Variants in RAPGEF4 observed in about 807,000 individuals in gnomAD.
RAPGEF4 encodes the protein RAP guanine-nucleotide-exchange factor (GEF) 4.
A neutral mutation model predicts 147.9 loss-of-function variants in RAPGEF4; 66 were observed. The observed-to-expected ratio is 0.45, with a 90% confidence interval of 0.37 to 0.55. RAPGEF4 has a LOEUF of 0.55. RAPGEF4 is among the 20% of genes least tolerant of loss of function. The pLI is 0.00. For missense variants in RAPGEF4, 1,071 were observed against 1,257.3 expected (o/e 0.85, Z 2.24); for synonymous variants, 419 against 442.7 (o/e 0.95, Z 0.67).
At chr2:172,961,259 C>T (rs777703201) in intron 8 of RAPGEF4, 31 bp downstream of exon 8, 37 of 1,467,994 alleles carry the variant, frequency 2.5e-5, no homozygotes, top group Admixed American at 5.2e-5. Flanking sequence ...GGCTGTGCCC[C>T]GCTCATATTC....
At chr2:172,915,408 A>T (rs1390281433) in intron 4 of RAPGEF4, among the ~76,000 whole-genome samples, 1 of 152,164 alleles carries the variant, frequency 6.6e-6, no homozygotes. Context: ...GGATTAAATG[A>T]TATGATATCT....
intron 22 of RAPGEF4, among the ~76,000 whole-genome samples, 179 bp from the exon 23 acceptor site, chr2:173,020,439 C>T (rs1372456319): frequency 2.0e-5 from 3 of 152,152 alleles, no homozygotes; most frequent in Non-Finnish European, 2.9e-5. Flanking sequence ...TCCTGAGTGG[C>T]GCAGGGCTGC....
chr2:172,831,228 G>A lies in RAPGEF4; in HGVS notation c.444+16803G>A, dbSNP rs981691740. ...GCACCGTCTGATGTTTTAAATCTGA[G>A]AATATTTTCACAAAATGTGACTGTT... is the stretch of plus-strand genomic sequence containing the variant. On this transcript the variant is annotated intron_variant, in intron 4 of 30. Coordinates refer to ENST00000397081, the MANE Select transcript of RAPGEF4 (RefSeq NM_007023.4). 2.3e-5 allele frequency among the ~76,000 whole-genome samples: 3 copies of A among 131,978 alleles called. 1 individual carries two copies. The South Asian group carries it at 7.8e-4, about 34-fold the overall frequency. The allele number at this position is 131,978 out of a possible 152,430, so 86.6% of individuals were successfully genotyped here.
At chr2:172,807,763 C>G (rs1008243819) in intron 3 of RAPGEF4, among the ~76,000 whole-genome samples, 5 of 152,156 alleles carry the variant, frequency 3.3e-5, no homozygotes, top group African/African-American at 1.2e-4. Flanking sequence ...AAGACCTCAT[C>G]TCTAAGAAAG....
At chr2:172,887,650 A>C (rs1697395619) in intron 4 of RAPGEF4, among the ~76,000 whole-genome samples, 2 of 152,172 alleles carry the variant, frequency 1.3e-5, no homozygotes, top group African/African-American at 4.8e-5. Context: ...CCCAAGATTT[A>C]CTCACTGGTC....
intron 26 of RAPGEF4, among the ~76,000 whole-genome samples, chr2:173,033,204 A>C (rs933462256): frequency 3.9e-5 from 6 of 152,232 alleles, no homozygotes; most frequent in African/African-American, 1.4e-4. Flanking sequence ...TGTGGGAGAA[A>C]TAAATGCTCA....
intron 4 of RAPGEF4, among the ~76,000 whole-genome samples, chr2:172,864,524 C>T (rs939399577): frequency 1.3e-5 from 2 of 152,188 alleles, no homozygotes; most frequent in African/African-American, 4.8e-5. Flanking sequence ...GTCTTCACTT[C>T]CTTCCCTGTT....
At position 172,988,682 on chromosome 2, in the gene RAPGEF4, A is replaced by T; in HGVS notation, c.1228-11A>T. ...GGGATCTTCTTCATCTGTGTGCTCT[A>T]CTCTATCCAGGGTGTGGTCTGCACC... is the stretch of plus-strand genomic sequence containing the variant. On this transcript the variant is annotated splice_polypyrimidine_tract_variant and intron_variant, in intron 13 of 30. Coordinates refer to ENST00000397081, the MANE Select transcript of RAPGEF4 (RefSeq NM_007023.4). 6.2e-7 allele frequency: 1 copy of T among 1,609,394 alleles called. No individual in the cohort carries two copies. The highest frequency in any genetic ancestry group is 1.7e-5 in the Admixed American group (1 of 59,968).
rs142423362 is a variant in RAPGEF4, at chr2:172,948,020, A to C, written c.538-12740A>C. ...GTAATCTGTTTTTATGCTTTATATCAGTGAAATCATCTGGTGTATACCTTT... is the reference window on the plus strand; with the variant it reads ...GTAATCTGTTTTTATGCTTTATATCCGTGAAATCATCTGGTGTATACCTTT... On this transcript the variant is annotated intron_variant, in intron 6 of 30. Transcript: ENST00000397081. Among the ~76,000 whole-genome samples, 12 of 152,312 alleles carry C rather than the reference A, an allele frequency of 7.9e-5. No homozygotes were observed. The East Asian group carries it at 2.3e-3, about 29-fold the overall frequency.
intron 4 of RAPGEF4, among the ~76,000 whole-genome samples, chr2:172,862,785 T>C (rs1694179619): frequency 1.3e-5 from 2 of 152,200 alleles, no homozygotes; most frequent in Non-Finnish European, 2.9e-5. Context: ...GGAAGTTTCC[T>C]CCTTTGTGAA....
chr2:172,840,548 G>A (rs1040349051), intron 4 of RAPGEF4, among the ~76,000 whole-genome samples: 2 of 152,118 alleles, frequency 1.3e-5, no homozygotes, highest in African/African-American at 4.8e-5. Flanking sequence ...GCAGTGTTGG[G>A]GCGAGCTACT....
At chr2:172,787,177 G>A (rs1008107753) in intron 1 of RAPGEF4, among the ~76,000 whole-genome samples, 4 of 151,952 alleles carry the variant, frequency 2.6e-5, no homozygotes, top group Non-Finnish European at 5.9e-5. Context: ...ATGCCCTTGC[G>A]CTGCAGCCTG....
chr2:173,020,785 TCA>T, intron 23 of RAPGEF4, 70 bp downstream of exon 23: 1 of 1,265,406 alleles, frequency 7.9e-7, no homozygotes, highest in Non-Finnish European at 1.1e-6. Flanking sequence ...AATTTTGCAG[TCA>T]CACTGAACCC....
Position 173,051,621 on chromosome 2 carries a change from C to T in RAPGEF4, c.2909-19C>T. 1 of 1,610,890 alleles carries T rather than the reference C, an allele frequency of 6.2e-7. No individual in the cohort carries two copies. Among genetic ancestry groups the T allele is most frequent in the Non-Finnish European group, 8.5e-7 (1 of 1,177,754 alleles). On this transcript the variant is annotated intron_variant, in intron 30 of 30. Transcript: ENST00000397081. ...CATATATTACACAATGCCAATTCTG[C>T]CCTTTCCTCTTTCAACAGATCCTGA...
intron 1 of RAPGEF4, among the ~76,000 whole-genome samples, chr2:172,767,261 C>A (rs1696936391): frequency 1.3e-5 from 2 of 152,022 alleles, no homozygotes; most frequent in Admixed American, 1.3e-4. Context: ...TCACCACAAC[C>A]TCTGCCTCCT....
rs1694439982 is a variant in RAPGEF4, at chr2:173,005,971, TTAC to T, written c.1658+4629_1658+4631del. Among the ~76,000 whole-genome samples, 3 of 1,896 alleles carry T rather than the reference TTAC, an allele frequency of 1.6e-3. No individual in the cohort carries two copies. The Admixed American group carries it at 0.041, about 26-fold the overall frequency. The allele number at this position is 1,896 out of a possible 152,430, so 1.2% of individuals were successfully genotyped here. On this transcript the variant is annotated intron_variant, in intron 17 of 30. Coordinates refer to ENST00000397081, the MANE Select transcript of RAPGEF4 (RefSeq NM_007023.4). Reference sequence around the variant, plus strand: ...TTGATTTGCCAACATTCATGCCTTATTACTCGGTATTCTAGCCACTCGTAGTAA... The same window carrying T: ...TTGATTTGCCAACATTCATGCCTTATTCGGTATTCTAGCCACTCGTAGTAA...
At chr2:172,836,521 T>G (rs1172487675) in intron 4 of RAPGEF4, among the ~76,000 whole-genome samples, 1 of 152,226 alleles carries the variant, frequency 6.6e-6, no homozygotes, top group Non-Finnish European at 1.5e-5. Context: ...ATAATAACAC[T>G]GCTTAGGTAA....
intron 26 of RAPGEF4, among the ~76,000 whole-genome samples, chr2:173,030,616 T>C (rs1428638808): frequency 6.6e-6 from 1 of 152,222 alleles, no homozygotes; most frequent in Non-Finnish European, 1.5e-5. Context: ...GCTTGTTGCT[T>C]TTGCCATAAA....
At position 172,857,174 on chromosome 2, in the gene RAPGEF4, G is replaced by A. The variant is rs1039571616; in HGVS notation, c.444+42749G>A. 4.5e-4 allele frequency among the ~76,000 whole-genome samples: 68 copies of A among 150,150 alleles called. 1 individual carries two copies. The highest frequency in any genetic ancestry group is 9.9e-4 in the East Asian group (5 of 5,054). On this transcript the variant is annotated intron_variant, in intron 4 of 30. Coordinates refer to ENST00000397081, the MANE Select transcript of RAPGEF4 (RefSeq NM_007023.4). ...ATTTAAAATACGCGCGTGTGCGCGC[G>A]CACACACACACACACACACACACAC...
Sources: gnomAD v4.1 joint callset for allele counts (sites outside exome capture counted in the v4.1 genomes callset) on GRCh38, gnomAD v4.1.1 for gene constraint, MANE v1.5 for transcripts, NCBI Gene and HGNC (gene_info 2026-07-23, HGNC 2026-07-21) for gene names.